The following ST3GAL2 variants were observed in gnomAD, a reference collection of about 807,000 sequenced individuals.
ST3GAL2 encodes CMP-N-acetylneuraminate-beta-galactosamide-alpha-2,3-sialyltransferase 2.
Under a neutral mutation model 37.5 loss-of-function variants are expected in ST3GAL2, and 16 were observed. The observed-to-expected ratio is 0.43, with a 90% confidence interval of 0.29 to 0.65. The LOEUF is 0.65. ST3GAL2 is among the 30% of genes least tolerant of loss of function. The probability of loss-of-function intolerance (pLI) is 0.17; values close to 1 mark genes in which losing one functional copy is unlikely to be tolerated. For missense variants in ST3GAL2, 383 were observed against 487.8 expected (o/e 0.79, Z 2.02); for synonymous variants, 238 against 202.9 (o/e 1.17, Z -1.47).
chr16:70,398,598 G>T lies in ST3GAL2; in HGVS notation c.-68C>A. The T allele has an allele frequency of 6.9e-7, 1 of 1,439,008 alleles. No individual in the cohort carries two copies. Among genetic ancestry groups the T allele is most frequent in the Non-Finnish European group, 9.3e-7 (1 of 1,073,092 alleles). The allele number at this position is 1,439,008 out of a possible 1,614,324, so 89.1% of individuals were successfully genotyped here. A position where few individuals can be genotyped will look rare whatever the true frequency, so the allele number is the denominator to read the frequency against. On this transcript the variant is annotated 5_prime_UTR_variant, in exon 2 of 7. Coordinates refer to ENST00000342907, the MANE Select transcript of ST3GAL2 (RefSeq NM_006927.4). ...CCAGCCCGCTGAGGGGCCAGCCACG[G>T]CGTAGCCTGCCTATTCTGGCACCAC...
chr16:70,393,894 A>T (rs2047498219), intron 3 of ST3GAL2: 1 of 152,118 alleles, frequency 6.6e-6, no homozygotes, highest in African/African-American at 2.4e-5. Flanking sequence ...GCCTCCTGGG[A>T]AACCTGGTCT....
intron 2 of ST3GAL2, among the ~76,000 whole-genome samples, chr16:70,397,664 T>C (rs2047526192): frequency 6.6e-6 from 1 of 152,064 alleles, no homozygotes; most frequent in Non-Finnish European, 1.5e-5. Context: ...AGGCAGAAGT[T>C]ACAGTGAGCC....
intron 4 of ST3GAL2, among the ~76,000 whole-genome samples, chr16:70,385,938 C>G (rs1038686411): frequency 6.6e-6 from 1 of 151,970 alleles, no homozygotes; most frequent in Non-Finnish European, 1.5e-5. Flanking sequence ...AACTCTTGGA[C>G]TCAAACAATC....
chr16:70,423,532 A>G (rs1486722314), intron 1 of ST3GAL2, among the ~76,000 whole-genome samples: 1 of 152,036 alleles, frequency 6.6e-6, no homozygotes, highest in Non-Finnish European at 1.5e-5. Flanking sequence ...CAAAAAAGTC[A>G]GTACTCCATA....
intron 1 of ST3GAL2, among the ~76,000 whole-genome samples, chr16:70,411,052 A>G (rs2047635077): frequency 6.6e-6 from 1 of 152,150 alleles, no homozygotes. Context: ...ATGAGACCCA[A>G]GGGAGTATGT....
chr16:70,415,762 CTTTTTT>C (rs1203693372), intron 1 of ST3GAL2, among the ~76,000 whole-genome samples: 17 of 115,924 alleles, frequency 1.5e-4, no homozygotes, highest in South Asian at 1.2e-3. Flanking sequence ...TTCCAAGATT[CTTTTTT>C]TTTTTTTTTT....
chr16:70,396,615 C>T (rs2151662909), intron 2 of ST3GAL2, among the ~76,000 whole-genome samples: 1 of 152,318 alleles, frequency 6.6e-6, no homozygotes. Context: ...ACAGTAAGAG[C>T]CCACGGGGCT....
intron 1 of ST3GAL2, chr16:70,399,880 T>C (rs1349934843): frequency 6.5e-6 from 1 of 153,968 alleles, no homozygotes; most frequent in Non-Finnish European, 1.4e-5. Context: ...CAGAGAAGAT[T>C]CCAGGGGACT....
rs1194892148 is a variant in ST3GAL2 at position 70,419,047 on chromosome 16, C to G, written c.-1003-19514G>C. Among the ~76,000 whole-genome samples, 9 of 152,320 alleles carry G rather than the reference C, an allele frequency of 5.9e-5. 1 individual carries two copies. The highest frequency in any genetic ancestry group is 6.8e-3 in the Middle Eastern group (2 of 294). On this transcript the variant is annotated intron_variant, in intron 1 of 6. Coordinates refer to ENST00000342907, the MANE Select transcript of ST3GAL2 (RefSeq NM_006927.4). ...GGAGGGCAGGGCATTCCCTCCCCCT[C>G]TCCCAACTCTTGGATGTCAACATCA...
At chr16:70,410,161 A>T (rs2047626571) in intron 1 of ST3GAL2, among the ~76,000 whole-genome samples, 1 of 135,576 alleles carries the variant, frequency 7.4e-6, no homozygotes, top group Non-Finnish European at 1.6e-5. Context: ...TTACTATCTT[A>T]TTCAGTATTT....
At chr16:70,432,273 T>C (rs952890867) in intron 1 of ST3GAL2, among the ~76,000 whole-genome samples, 1 of 152,126 alleles carries the variant, frequency 6.6e-6, no homozygotes, top group Non-Finnish European at 1.5e-5. Context: ...GCAAACATAT[T>C]TGAATTGAGG....
intron 1 of ST3GAL2, among the ~76,000 whole-genome samples, chr16:70,404,192 C>G (rs751996099): frequency 2.0e-5 from 3 of 151,976 alleles, no homozygotes; most frequent in Non-Finnish European, 4.4e-5. Context: ...GTAGGCGGCT[C>G]AGGACAAAGC....
chr16:70,430,289 G>T (rs2047780789), intron 1 of ST3GAL2, among the ~76,000 whole-genome samples: 1 of 152,250 alleles, frequency 6.6e-6, no homozygotes, highest in South Asian at 2.1e-4. Flanking sequence ...AGGTCTGAAG[G>T]GGCTGAGGTA....
At chr16:70,437,537 C>CA (rs2047834146) in intron 1 of ST3GAL2, among the ~76,000 whole-genome samples, 2 of 130,386 alleles carry the variant, frequency 1.5e-5, no homozygotes, top group Admixed American at 8.7e-5. Context: ...GAGGACAAAA[C>CA]AAAAAACCTG....
chr16:70,405,761 A>G (rs2047587149), intron 1 of ST3GAL2, among the ~76,000 whole-genome samples: 1 of 151,784 alleles, frequency 6.6e-6, no homozygotes, highest in South Asian at 2.1e-4. Flanking sequence ...TGTGGTGAAT[A>G]GGTTAAAAGC....
At chr16:70,395,277 GGC>G (rs2047508049) in intron 2 of ST3GAL2, 102 bp from the exon 3 acceptor site, 1 of 1,100,286 alleles carries the variant, frequency 9.1e-7, no homozygotes, top group Admixed American at 2.6e-5. Context: ...CCTGTGTCTG[GGC>G]ACAGGCCTCT....
At chr16:70,408,295 C>T (rs1476364631) in intron 1 of ST3GAL2, among the ~76,000 whole-genome samples, 6 of 151,972 alleles carry the variant, frequency 3.9e-5, no homozygotes, top group African/African-American at 1.4e-4. Flanking sequence ...GGGGTACAAC[C>T]ATCAAAACAT....
At chr16:70,429,267 T>A (rs142063177) in intron 1 of ST3GAL2, among the ~76,000 whole-genome samples, 2 of 152,244 alleles carry the variant, frequency 1.3e-5, no homozygotes, top group Non-Finnish European at 2.9e-5. Flanking sequence ...TGTGGCGGGC[T>A]TCTGTCAATC....
At chr16:70,418,021 G>A (rs1485015355) in intron 1 of ST3GAL2, among the ~76,000 whole-genome samples, 4 of 152,166 alleles carry the variant, frequency 2.6e-5, no homozygotes, top group Non-Finnish European at 5.9e-5. Flanking sequence ...TGGTCACACC[G>A]TAGATGTATA....
Sources: allele counts gnomAD v4.1 joint callset (sites outside exome capture counted in the v4.1 genomes callset), GRCh38; gene constraint gnomAD v4.1.1; transcripts MANE v1.5; gene names NCBI Gene and HGNC (gene_info 2026-07-23, HGNC 2026-07-21).